The following CNTN4 variants were observed in gnomAD, a reference collection of about 807,000 sequenced individuals.
CNTN4 encodes the protein contactin 4.
In CNTN4, 77 loss-of-function variants were observed where a neutral mutation model predicts 122.5. That is an observed-to-expected ratio of 0.63 (90% CI 0.52 to 0.76). The LOEUF (loss-of-function observed/expected upper bound fraction) is 0.76, where lower values mean the gene tolerates loss of function less well. CNTN4 is among the 30% of genes least tolerant of loss of function. The probability of loss-of-function intolerance (pLI) is 0.00; values close to 1 mark genes in which losing one functional copy is unlikely to be tolerated. For synonymous variants in CNTN4, 512 were observed against 447.0 expected, an observed-to-expected ratio of 1.15 and a Z score of -1.83; for missense variants, 1,256 against 1,259.1, an observed-to-expected ratio of 1.00 and a Z score of 0.04.
chr3:2,145,622 C>T (rs1291201563), intron 2 of CNTN4, among the ~76,000 whole-genome samples: 1 of 152,196 alleles, frequency 6.6e-6, no homozygotes, highest in Non-Finnish European at 1.5e-5. Flanking sequence ...TATGATTCCA[C>T]CTCACATTCA....
At chr3:2,283,101 T>C (rs1487747181) in intron 2 of CNTN4, among the ~76,000 whole-genome samples, 11 of 152,152 alleles carry the variant, frequency 7.2e-5, no homozygotes, top group African/African-American at 2.6e-4. Context: ...TAAAAACCAT[T>C]GAAGTGTATG....
intron 7 of CNTN4, among the ~76,000 whole-genome samples, chr3:2,852,144 A>C (rs1352732582): frequency 6.6e-6 from 1 of 152,222 alleles, no homozygotes; most frequent in Non-Finnish European, 1.5e-5. Context: ...ATTTGTTAGC[A>C]TAATAAGCAT....
At chr3:2,547,473 C>G (rs2078297143) in intron 3 of CNTN4, among the ~76,000 whole-genome samples, 1 of 151,952 alleles carries the variant, frequency 6.6e-6, no homozygotes, top group Non-Finnish European at 1.5e-5. Context: ...GCCATGTTGG[C>G]CAGTCTGGTC....
chr3:2,438,511 G>A (rs1026761687), intron 3 of CNTN4, among the ~76,000 whole-genome samples: 1 of 152,160 alleles, frequency 6.6e-6, no homozygotes, highest in Admixed American at 6.5e-5. Context: ...GAAAGAGTGA[G>A]ACTCTGTCTC....
chr3:2,237,960 T>G (rs971689740), intron 2 of CNTN4, among the ~76,000 whole-genome samples: 1 of 152,164 alleles, frequency 6.6e-6, no homozygotes, highest in Non-Finnish European at 1.5e-5. Flanking sequence ...TAAAATATCA[T>G]AATAAAATCA....
chr3:2,405,444 A>G (rs1251969347), intron 3 of CNTN4, among the ~76,000 whole-genome samples: 1 of 152,176 alleles, frequency 6.6e-6, no homozygotes, highest in Non-Finnish European at 1.5e-5. Flanking sequence ...CTCAAAAAGT[A>G]AGAGTGCATG....
At chr3:2,577,304 A>G (rs1485780022) in intron 4 of CNTN4, among the ~76,000 whole-genome samples, 1 of 152,190 alleles carries the variant, frequency 6.6e-6, no homozygotes, top group African/African-American at 2.4e-5. Flanking sequence ...AACAGCTTTA[A>G]CAGAGATGAT....
At chr3:2,752,672 A>G (rs765769942) in intron 6 of CNTN4, among the ~76,000 whole-genome samples, 3 of 152,118 alleles carry the variant, frequency 2.0e-5, no homozygotes, top group Non-Finnish European at 4.4e-5. Flanking sequence ...TCTTAACTGT[A>G]GTCACCCTGT....
At chr3:2,566,954 G>C (rs2079190010) in intron 3 of CNTN4, among the ~76,000 whole-genome samples, 1 of 152,124 alleles carries the variant, frequency 6.6e-6, no homozygotes, top group African/African-American at 2.4e-5. Context: ...AGGTAAAATA[G>C]ATATTATGTC....
chr3:2,653,986 A>C (rs911858315), intron 4 of CNTN4, among the ~76,000 whole-genome samples: 1 of 152,188 alleles, frequency 6.6e-6, no homozygotes, highest in African/African-American at 2.4e-5. Context: ...GGGAAGTGGA[A>C]GTTTTTGGTT....
intron 4 of CNTN4, among the ~76,000 whole-genome samples, chr3:2,700,178 C>T (rs956754908): frequency 1.3e-5 from 2 of 152,156 alleles, no homozygotes; most frequent in South Asian, 4.1e-4. Flanking sequence ...AAATCCTTCG[C>T]AGATACAAAG....
intron 4 of CNTN4, among the ~76,000 whole-genome samples, chr3:2,634,839 G>A (rs2082594079): frequency 6.6e-6 from 1 of 151,888 alleles, no homozygotes. Flanking sequence ...CTGGGTGACA[G>A]AGTGAGACTC....
chr3:2,819,601 C>T lies in CNTN4; in HGVS notation c.454+20C>T. 1 of 1,491,438 alleles carries T rather than the reference C, an allele frequency of 6.7e-7. No homozygotes were observed. Among genetic ancestry groups the T allele is most frequent in the Non-Finnish European group, 9.4e-7 (1 of 1,067,960 alleles). 92.4% of individuals were successfully genotyped at this position (1,491,438 alleles called of 1,614,324 possible). On this transcript the variant is annotated intron_variant, in intron 7 of 24. Coordinates refer to ENST00000418658, the MANE Select transcript of CNTN4 (RefSeq NM_175607.3). ...CTGGAGGTACATATAAATGAACTGA[C>T]ATATGCATGCTTCACTCTCTGTTAT...
chr3:2,915,630 T>C (rs1340518262), intron 12 of CNTN4, among the ~76,000 whole-genome samples: 2 of 152,242 alleles, frequency 1.3e-5, no homozygotes, highest in African/African-American at 2.4e-5. Context: ...AGCATGATGT[T>C]ACTCATCCAC....
intron 13 of CNTN4, among the ~76,000 whole-genome samples, chr3:2,948,063 A>T (rs2094698099): frequency 6.6e-6 from 1 of 152,186 alleles, no homozygotes; most frequent in Non-Finnish European, 1.5e-5. Context: ...CATGTGAATG[A>T]GTGTCCAATT....
chr3:2,567,520 T>C (rs912280931), intron 3 of CNTN4, among the ~76,000 whole-genome samples: 2 of 152,192 alleles, frequency 1.3e-5, no homozygotes, highest in African/African-American at 2.4e-5. Flanking sequence ...CAAAGATAGC[T>C]ATGACGTTTC....
At chr3:2,653,143 GCGTTAATAC>G (rs1489781466) in intron 4 of CNTN4, among the ~76,000 whole-genome samples, 1 of 151,900 alleles carries the variant, frequency 6.6e-6, no homozygotes, top group Admixed American at 6.6e-5. Context: ...TAAAACATAC[GCGTTAATAC>G]ATGTGAAAGC....
intron 3 of CNTN4, among the ~76,000 whole-genome samples, chr3:2,545,495 A>C (rs1034378561): frequency 7.9e-5 from 12 of 152,068 alleles, no homozygotes; most frequent in African/African-American, 2.7e-4. Flanking sequence ...TGTAAATATA[A>C]GTCTCTTCAT....
intron 4 of CNTN4, among the ~76,000 whole-genome samples, chr3:2,588,072 T>C (rs745321580): frequency 1.3e-5 from 2 of 152,040 alleles, no homozygotes; most frequent in Admixed American, 6.5e-5. Flanking sequence ...TTATTAATTA[T>C]GTTTTTTTTT....
Sources: allele counts gnomAD v4.1 joint callset (sites outside exome capture counted in the v4.1 genomes callset), GRCh38; gene constraint gnomAD v4.1.1; transcripts MANE v1.5; gene names NCBI Gene and HGNC (gene_info 2026-07-23, HGNC 2026-07-21).